The following SPAG16 variants were observed in gnomAD, a reference collection of about 807,000 sequenced individuals.
SPAG16 encodes the protein sperm associated antigen 16, also known as sperm-associated antigen 16 protein.
A neutral mutation model predicts 80.4 loss-of-function variants in SPAG16; 86 were observed. The observed-to-expected ratio is 1.07, with a 90% CI of 0.90 to 1.28. The LOEUF is 1.28. Ranked by LOEUF, SPAG16 falls within the 50% of genes most tolerant of loss-of-function variation. SPAG16 has a pLI of 0.00. For missense variants in SPAG16, 870 were observed against 765.3 expected (o/e 1.14, Z -1.61); for synonymous variants, 294 against 265.9 (o/e 1.11, Z -1.03).
intron 10 of SPAG16, among the ~76,000 whole-genome samples, chr2:213,759,242 G>A (rs993874248): frequency 6.6e-6 from 1 of 151,970 alleles, no homozygotes; most frequent in South Asian, 2.1e-4. Flanking sequence ...CTTAATAAAG[G>A]AAAATACATA....
chr2:213,705,539 A>C lies in SPAG16; in HGVS notation c.1071-156946A>C, dbSNP rs1238447841. Reference sequence around the variant, plus strand: ...CAGAGTAGGTAGAATTGTAGGAATAAATATAGTGAAAAACTTTTGGAATGA... The same window carrying C: ...CAGAGTAGGTAGAATTGTAGGAATACATATAGTGAAAAACTTTTGGAATGA... On this transcript the variant is annotated intron_variant, in intron 10 of 15. Transcript: ENST00000331683. Among the ~76,000 whole-genome samples, 4 of 152,250 alleles carry C rather than the reference A, an allele frequency of 2.6e-5. No individual in the cohort carries two copies. The East Asian group carries it at 5.8e-4, about 22-fold the overall frequency.
Position 214,354,597 on chromosome 2 carries a change from C to A in SPAG16, c.1721-55543C>A, listed in dbSNP as rs959191914. Among the ~76,000 whole-genome samples the A allele has an allele frequency of 1.8e-3, 269 of 152,184 alleles. 1 individual carries two copies. Among genetic ancestry groups the A allele is most frequent in the Non-Finnish European group, 3.1e-3 (214 of 68,000 alleles). On this transcript the variant is annotated intron_variant, in intron 15 of 15. Coordinates refer to ENST00000331683, the MANE Select transcript of SPAG16 (RefSeq NM_024532.5). ...CTATAAATTACCTTGAGCAGTATGG[C>A]CATTTTCACGATATTGATTCTTCCT...
intron 15 of SPAG16, among the ~76,000 whole-genome samples, chr2:214,177,032 T>G (rs2057111772): frequency 6.6e-6 from 1 of 151,174 alleles, no homozygotes; most frequent in Admixed American, 6.6e-5. Flanking sequence ...TGCTGATGAA[T>G]ATAGAATTAT....
rs71399124 is a variant in SPAG16 at position 214,214,185 on chromosome 2, C to CTTTTTTTTT, written c.1720+64924_1720+64932dup. On this transcript the variant is annotated intron_variant, in intron 15 of 15. Transcript: ENST00000331683. ...ATATCCTTCCCAACCTTCCTTTTTA[C>CTTTTTTTTT]TTTTTTTTTTTTTGAGACAGAGTCA... Among the ~76,000 whole-genome samples, 421 of 140,042 alleles carry CTTTTTTTTT rather than the reference C, an allele frequency of 3.0e-3. 11 individuals are homozygous for CTTTTTTTTT. Among genetic ancestry groups the CTTTTTTTTT allele is most frequent in the African/African-American group, 8.4e-3 (311 of 37,176 alleles). 91.9% of individuals were successfully genotyped at this position (140,042 alleles called of 152,430 possible).
chr2:213,655,565 T>TA (rs1438316981), intron 10 of SPAG16, among the ~76,000 whole-genome samples: 1 of 152,200 alleles, frequency 6.6e-6, no homozygotes, highest in Non-Finnish European at 1.5e-5. Context: ...GAAGTTAGGA[T>TA]AACGGTAATC....
At chr2:214,213,608 C>T (rs2058351870) in intron 15 of SPAG16, among the ~76,000 whole-genome samples, 2 of 152,278 alleles carry the variant, frequency 1.3e-5, no homozygotes, top group African/African-American at 2.4e-5. Flanking sequence ...TAGCAGCATT[C>T]CTGGCCTCTA....
chr2:213,429,158 G>A (rs949416888), intron 9 of SPAG16, among the ~76,000 whole-genome samples: 10 of 151,840 alleles, frequency 6.6e-5, no homozygotes, highest in African/African-American at 2.4e-4. Flanking sequence ...TAAGGACTGG[G>A]CTGCCTCTGC....
In SPAG16 at chr2:214,311,026, A is replaced by G. The variant is rs183679126; in HGVS notation, c.1721-99114A>G. 7.1e-4 allele frequency among the ~76,000 whole-genome samples: 108 copies of G among 152,328 alleles called. 1 individual carries two copies. The highest frequency in any genetic ancestry group is 3.4e-3 in the Middle Eastern group (1 of 294). On this transcript the variant is annotated intron_variant, in intron 15 of 15. Transcript: ENST00000331683. Reference sequence around the variant, plus strand: ...AGGAGGACACTTACGGCAACCTCCAACAGGAAAGGCCTTGGCTACCTCTGC... The same window carrying G: ...AGGAGGACACTTACGGCAACCTCCAGCAGGAAAGGCCTTGGCTACCTCTGC...
intron 12 of SPAG16, among the ~76,000 whole-genome samples, chr2:213,930,667 G>A (rs1031472594): frequency 1.3e-5 from 2 of 152,178 alleles, no homozygotes; most frequent in Non-Finnish European, 2.9e-5. Context: ...TACATATCAT[G>A]TGGATTTGGA....
At chr2:213,953,248 C>G (rs965060631) in intron 12 of SPAG16, among the ~76,000 whole-genome samples, 6 of 151,674 alleles carry the variant, frequency 4.0e-5, no homozygotes, top group African/African-American at 1.5e-4. Context: ...ATAAAGATTA[C>G]TTTAAATAAA....
chr2:214,251,537 T>C (rs1163799760), intron 15 of SPAG16, among the ~76,000 whole-genome samples: 1 of 152,186 alleles, frequency 6.6e-6, no homozygotes, highest in East Asian at 1.9e-4. Context: ...TTATATTTCA[T>C]GTGCTAATGC....
intron 10 of SPAG16, among the ~76,000 whole-genome samples, chr2:213,677,930 A>G (rs1212536175): frequency 1.3e-5 from 2 of 152,086 alleles, no homozygotes; most frequent in Non-Finnish European, 2.9e-5. Context: ...CTCAGACCAC[A>G]GTGCAATCAA....
chr2:213,622,147 T>A (rs976382945), intron 10 of SPAG16, among the ~76,000 whole-genome samples: 12 of 152,180 alleles, frequency 7.9e-5, no homozygotes, highest in African/African-American at 2.9e-4. Flanking sequence ...ATGAGTGAAA[T>A]GGACCACCCA....
At chr2:213,510,595 T>G (rs1479279149) in intron 10 of SPAG16, among the ~76,000 whole-genome samples, 1 of 152,194 alleles carries the variant, frequency 6.6e-6, no homozygotes, top group Non-Finnish European at 1.5e-5. Context: ...TGGATATTTG[T>G]TAAAGCTCAG....
At chr2:214,307,480 C>T (rs770542648) in intron 15 of SPAG16, among the ~76,000 whole-genome samples, 2 of 151,332 alleles carry the variant, frequency 1.3e-5, no homozygotes, top group Non-Finnish European at 2.9e-5. Flanking sequence ...GTTGTGATGT[C>T]AGGTTGTTAA....
intron 11 of SPAG16, among the ~76,000 whole-genome samples, chr2:213,890,185 G>A (rs1320482356): frequency 6.6e-6 from 1 of 151,978 alleles, no homozygotes; most frequent in East Asian, 1.9e-4. Context: ...ACACTTTTTA[G>A]AAAATTTCTA....
chr2:213,598,806 A>G (rs986896725), intron 10 of SPAG16, among the ~76,000 whole-genome samples: 13 of 152,174 alleles, frequency 8.5e-5, no homozygotes, highest in African/African-American at 2.9e-4. Flanking sequence ...CACATGACAT[A>G]TTTTGGTAAT....
intron 10 of SPAG16, among the ~76,000 whole-genome samples, chr2:213,774,999 C>G (rs2069485692): frequency 6.6e-6 from 1 of 152,124 alleles, no homozygotes; most frequent in Non-Finnish European, 1.5e-5. Context: ...TGTCTCGGCA[C>G]TACTGTATTG....
At chr2:213,786,149 G>A (rs2125594699) in intron 10 of SPAG16, among the ~76,000 whole-genome samples, 1 of 152,254 alleles carries the variant, frequency 6.6e-6, no homozygotes, top group South Asian at 2.1e-4. Flanking sequence ...GACTTAAAGA[G>A]GAAATATATG....
Sources: allele counts gnomAD v4.1 joint callset (sites outside exome capture counted in the v4.1 genomes callset), GRCh38; gene constraint gnomAD v4.1.1; transcripts MANE v1.5; gene names NCBI Gene and HGNC (gene_info 2026-07-23, HGNC 2026-07-21).